EYA4: variants seen among roughly 807,000 people sequenced by gnomAD.
EYA4 encodes protein phosphatase EYA4.
EYA4 carries 31 observed loss-of-function variants against 87.9 expected under a neutral mutation model. That is an observed-to-expected ratio of 0.35 (90% CI 0.27 to 0.48). EYA4 has a LOEUF of 0.48. Ranked by LOEUF, EYA4 falls within the 20% of genes least tolerant of loss-of-function variation. The pLI is 0.99. For synonymous variants in EYA4, 263 were observed against 270.6 expected (o/e 0.97, Z 0.28); for missense variants, 678 against 761.4 (o/e 0.89, Z 1.29).
intron 3 of EYA4, among the ~76,000 whole-genome samples, chr6:133,440,453 T>C (rs1792160157): frequency 6.6e-6 from 1 of 152,204 alleles, no homozygotes; most frequent in African/African-American, 2.4e-5. Context: ...AGCTTCTTTT[T>C]TTTCATTTGT....
intron 2 of EYA4, among the ~76,000 whole-genome samples, chr6:133,378,801 C>A (rs966237485): frequency 3.3e-5 from 5 of 151,838 alleles, no homozygotes; most frequent in African/African-American, 9.7e-5. Flanking sequence ...ATATTTAACT[C>A]TTTTTCATGG....
chr6:133,481,436 T>C lies in EYA4; in HGVS notation c.971-27T>C, dbSNP rs538812844. ...ACTTGATCTAAAAATGAAGTGCTATTCTTGACCTAAGTCATGTTATCTATA... is the reference window on the plus strand; with the variant it reads ...ACTTGATCTAAAAATGAAGTGCTATCCTTGACCTAAGTCATGTTATCTATA... On this transcript the variant is annotated intron_variant, in intron 11 of 19. Transcript: ENST00000355286. 3.9e-5 allele frequency: 63 copies of C among 1,610,488 alleles called. 1 individual carries two copies. In the South Asian group the frequency reaches 6.3e-4, roughly 16 times the overall value.
At chr6:133,517,136 T>C (rs1358244749) in intron 17 of EYA4, among the ~76,000 whole-genome samples, 1 of 152,154 alleles carries the variant, frequency 6.6e-6, no homozygotes, top group Non-Finnish European at 1.5e-5. Context: ...TCCCACCAAA[T>C]GCCGCATGTT....
At chr6:133,375,416 A>G (rs2128469647) in intron 2 of EYA4, among the ~76,000 whole-genome samples, 1 of 152,064 alleles carries the variant, frequency 6.6e-6, no homozygotes, top group East Asian at 1.9e-4. Context: ...AAAATTGTTT[A>G]TGTTTTGCCT....
chr6:133,503,499 TAACAGACTA>T, intron 13 of EYA4, among the ~76,000 whole-genome samples: 1 of 152,316 alleles, frequency 6.6e-6, no homozygotes, highest in East Asian at 1.9e-4. Context: ...ATCAGAAACA[TAACAGACTA>T]GTGTGGAGCT....
chr6:133,470,324 C>T (rs1375181748), intron 11 of EYA4, among the ~76,000 whole-genome samples: 1 of 61,230 alleles, frequency 1.6e-5, no homozygotes, highest in Admixed American at 1.9e-4. Flanking sequence ...GCCAGTTTTC[C>T]CAGCACCATT....
intron 2 of EYA4, among the ~76,000 whole-genome samples, chr6:133,324,316 A>G (rs1781324949): frequency 6.6e-6 from 1 of 152,160 alleles, no homozygotes; most frequent in Non-Finnish European, 1.5e-5. Flanking sequence ...ATTTATTTAC[A>G]ATTCCATTTA....
chr6:133,319,144 C>T (rs1780854373), intron 2 of EYA4, among the ~76,000 whole-genome samples: 1 of 152,084 alleles, frequency 6.6e-6, no homozygotes, highest in Non-Finnish European at 1.5e-5. Flanking sequence ...GATTTTAGAC[C>T]TCATAAAACC....
chr6:133,492,835 A>G (rs990751935), intron 13 of EYA4, among the ~76,000 whole-genome samples: 15 of 152,204 alleles, frequency 9.9e-5, no homozygotes, highest in Admixed American at 4.6e-4. Context: ...ATAAGAAATA[A>G]AAAAGTAATG....
intron 2 of EYA4, among the ~76,000 whole-genome samples, chr6:133,338,239 A>T (rs1413355068): frequency 1.3e-5 from 2 of 152,168 alleles, no homozygotes. Context: ...TTTAATGAGT[A>T]AATAGAAAAA....
chr6:133,475,340 TCC>T (rs1795631994), intron 11 of EYA4, among the ~76,000 whole-genome samples: 1 of 152,226 alleles, frequency 6.6e-6, no homozygotes, highest in South Asian at 2.1e-4. Flanking sequence ...TTATAGCGCC[TCC>T]TTTTCAAATA....
At chr6:133,354,366 T>A (rs1783858843) in intron 2 of EYA4, among the ~76,000 whole-genome samples, 1 of 152,136 alleles carries the variant, frequency 6.6e-6, no homozygotes, top group Admixed American at 6.6e-5. Context: ...ATGGCAGTGA[T>A]GGTGACATTG....
At position 133,274,701 on chromosome 6, in the gene EYA4, A is replaced by G. The variant is rs1001658309; in HGVS notation, c.-65-15A>G. The G allele has an allele frequency of 1.1e-4, 135 of 1,192,336 alleles. No individual in the cohort carries two copies. Among genetic ancestry groups the G allele is most frequent in the Non-Finnish European group, 1.7e-4 (133 of 797,102 alleles). 73.9% of individuals were successfully genotyped at this position (1,192,336 alleles called of 1,614,324 possible). A position where few individuals can be genotyped will look rare whatever the true frequency, so the allele number is the denominator to read the frequency against. ...GATAACATTTTTCCCCTTTGTTTCC[A>G]TCTTCTTGTTTTAGATAGTCATTTT... On this transcript the variant is annotated splice_polypyrimidine_tract_variant and intron_variant, in intron 1 of 19. Coordinates refer to ENST00000355286, the MANE Select transcript of EYA4 (RefSeq NM_004100.5).
At chr6:133,524,419 G>C (rs1800448201) in intron 18 of EYA4, among the ~76,000 whole-genome samples, 1 of 152,152 alleles carries the variant, frequency 6.6e-6, no homozygotes. Flanking sequence ...GAAATTTAGA[G>C]AATAATGCCA....
At chr6:133,316,266 T>C (rs1780612905) in intron 2 of EYA4, among the ~76,000 whole-genome samples, 3 of 152,028 alleles carry the variant, frequency 2.0e-5, no homozygotes, top group Admixed American at 6.6e-5. Flanking sequence ...CTGATGATCA[T>C]AGAAAAAAAA....
chr6:133,506,000 C>T (rs1356584399), intron 13 of EYA4, 106 bp from the exon 14 acceptor site: 13 of 759,416 alleles, frequency 1.7e-5, no homozygotes, highest in African/African-American at 1.0e-4. Flanking sequence ...AGTAAAAACC[C>T]ATGCAGTCTT....
intron 1 of EYA4, among the ~76,000 whole-genome samples, chr6:133,254,164 C>A (rs1017708091): frequency 2.0e-5 from 3 of 152,150 alleles, no homozygotes; most frequent in African/African-American, 7.2e-5. Flanking sequence ...AATAAACTGA[C>A]ATTTAAAAGA....
chr6:133,276,035 C>G (rs901697062), intron 2 of EYA4, among the ~76,000 whole-genome samples: 2 of 152,150 alleles, frequency 1.3e-5, no homozygotes, highest in African/African-American at 4.8e-5. Flanking sequence ...ATATTCACAG[C>G]ATGGACTCTA....
intron 3 of EYA4, among the ~76,000 whole-genome samples, chr6:133,395,429 G>T (rs1787698883): frequency 6.6e-6 from 1 of 152,086 alleles, no homozygotes; most frequent in Non-Finnish European, 1.5e-5. Flanking sequence ...ATATAAGAAG[G>T]TTTAAATGTC....
Sources: allele counts gnomAD v4.1 joint callset (sites outside exome capture counted in the v4.1 genomes callset), GRCh38; gene constraint gnomAD v4.1.1; transcripts MANE v1.5; gene names NCBI Gene and HGNC (gene_info 2026-07-23, HGNC 2026-07-21).